The following CHIC2 variants were observed in gnomAD, a reference collection of about 807,000 sequenced individuals.
CHIC2 encodes cysteine rich hydrophobic domain 2, also known as cysteine-rich hydrophobic domain-containing protein 2.
In CHIC2, 14 loss-of-function variants were observed where a neutral mutation model predicts 25.9. That is an observed-to-expected ratio of 0.54 (90% confidence interval 0.36 to 0.85). The LOEUF (loss-of-function observed/expected upper bound fraction) is 0.85, where lower values mean the gene tolerates loss of function less well. CHIC2 is among the 40% of genes least tolerant of loss of function. The pLI is 0.01. For synonymous variants in CHIC2, 70 were observed against 72.0 expected, an observed-to-expected ratio of 0.97 and a Z score of 0.14; for missense variants, 146 against 202.0, an observed-to-expected ratio of 0.72 and a Z score of 1.68.
At chr4:54,068,063 A>G (rs1259567263), upstream of CHIC2, among the ~76,000 whole-genome samples, 1 of 152,116 alleles carries the variant, frequency 6.6e-6, no homozygotes, top group Admixed American at 6.5e-5. Context: ...AAGAAGAAAT[A>G]CTAGATAGTT....
chr4:54,081,739 G>A, the CHIC2 span, among the ~76,000 whole-genome samples: 2 of 151,900 alleles, frequency 1.3e-5, no homozygotes, highest in African/African-American at 4.8e-5. Context: ...TGTTGTTGTT[G>A]TTTTTAGAGA....
At chr4:54,071,999 A>T in the CHIC2 span, among the ~76,000 whole-genome samples, 1 of 147,502 alleles carries the variant, frequency 6.8e-6, no homozygotes, top group Non-Finnish European at 1.5e-5. Context: ...AATACCTATA[A>T]AGTATCTAAT....
rs993035697 is a variant in CHIC2, at chr4:54,064,585, G to C, written c.-285C>G. ...CACAGACGCCGCTGCCGCCGCCGCA[G>C]CAGCAGCAACTCAGGAAACCACAGC... is the stretch of plus-strand genomic sequence containing the variant. On this transcript the variant is annotated 5_prime_UTR_variant, in exon 1 of 6. Coordinates refer to ENST00000263921, the MANE Select transcript of CHIC2 (RefSeq NM_012110.4). This position sits in a 1 kb window ranked among gnomAD's most constrained non-coding sequence, Gnocchi z 4.2. The C allele has an allele frequency of 2.4e-6, 3 of 1,248,990 alleles. No individual in the cohort carries two copies. Among genetic ancestry groups the C allele is most frequent in the Non-Finnish European group, 3.0e-6 (3 of 994,674 alleles). 77.4% of individuals were successfully genotyped at this position (1,248,990 alleles called of 1,614,324 possible).
intron 3 of CHIC2, among the ~76,000 whole-genome samples, chr4:54,044,079 G>T (rs930665466): frequency 3.9e-5 from 6 of 152,100 alleles, no homozygotes. Context: ...AATGGTAAAG[G>T]GATCAATTCA....
In CHIC2 at chr4:54,035,737, C is replaced by T. The variant is rs560964304; in HGVS notation, c.330+13218G>A. Among the ~76,000 whole-genome samples the T allele has an allele frequency of 1.4e-4, 21 of 151,828 alleles. No homozygotes were observed. The South Asian group carries it at 4.4e-3, about 32-fold the overall frequency. Reference sequence around the variant, plus strand: ...TTCAGTCTGACCATTATTTTTTTCCCCCTCCTTACTTTGGATTTAATTTGC... The same window carrying T: ...TTCAGTCTGACCATTATTTTTTTCCTCCTCCTTACTTTGGATTTAATTTGC... On this transcript the variant is annotated intron_variant, in intron 3 of 5. Transcript: ENST00000263921.
intron 1 of CHIC2, among the ~76,000 whole-genome samples, chr4:54,057,558 T>A (rs532640327): frequency 1.3e-5 from 2 of 152,298 alleles, no homozygotes; most frequent in East Asian, 3.9e-4. Context: ...TCACAGGATC[T>A]CATCCATTTC....
At chr4:54,040,874 G>A (rs1017561583) in intron 3 of CHIC2, among the ~76,000 whole-genome samples, 13 of 151,408 alleles carry the variant, frequency 8.6e-5, no homozygotes, top group East Asian at 5.9e-4. Flanking sequence ...GTAAAACACC[G>A]TCTCAATCAT....
the CHIC2 span, among the ~76,000 whole-genome samples, chr4:54,091,534 G>GCTT: frequency 3.3e-5 from 5 of 152,004 alleles, no homozygotes; most frequent in African/African-American, 1.2e-4. Context: ...TCCCAAACAC[G>GCTT]CTTCACTCAC....
chr4:54,068,803 G>A (rs1372131738), upstream of CHIC2, among the ~76,000 whole-genome samples: 1 of 152,108 alleles, frequency 6.6e-6, no homozygotes, highest in Non-Finnish European at 1.5e-5. Context: ...CAGGTTGAGG[G>A]CTCAGTCCGC....
the CHIC2 span, among the ~76,000 whole-genome samples, chr4:54,086,166 C>A: frequency 6.6e-6 from 1 of 151,878 alleles, no homozygotes. Context: ...AGCATGTAAA[C>A]AAGATAGCTT....
chr4:54,088,337 C>A, the CHIC2 span, among the ~76,000 whole-genome samples: 1 of 151,696 alleles, frequency 6.6e-6, no homozygotes, highest in Non-Finnish European at 1.5e-5. Context: ...CATGTTGTAA[C>A]GTGATAGAGG....
chr4:54,088,786 C>T, the CHIC2 span, among the ~76,000 whole-genome samples: 18 of 152,218 alleles, frequency 1.2e-4, no homozygotes, highest in African/African-American at 3.9e-4. Context: ...TGGACCCGTG[C>T]GATAGTAGTT....
At position 54,056,400 on chromosome 4, in the gene CHIC2, C is replaced by T. The variant is rs73818151; in HGVS notation, c.120-7095G>A. ...CAAAATAATGATGCTAAATTATGTT[C>T]ATTTAAGCAAAATATATGGTTGAAT... On this transcript the variant is annotated intron_variant, in intron 1 of 5. Transcript: ENST00000263921. Among the ~76,000 whole-genome samples, 1,480 of 152,148 alleles carry T rather than the reference C, an allele frequency of 9.7e-3. 22 individuals are homozygous for T. Among genetic ancestry groups the T allele is most frequent in the African/African-American group, 0.034 (1,425 of 41,506 alleles).
the CHIC2 span, among the ~76,000 whole-genome samples, chr4:54,083,856 C>G: frequency 6.6e-6 from 1 of 152,150 alleles, no homozygotes; most frequent in Non-Finnish European, 1.5e-5. Context: ...GGCCTTCATA[C>G]TTCTTCACCT....
At chr4:54,047,637 C>T (rs1170020078) in intron 3 of CHIC2, among the ~76,000 whole-genome samples, 6 of 115,832 alleles carry the variant, frequency 5.2e-5, no homozygotes, top group South Asian at 5.5e-4. Flanking sequence ...CACCACACAC[C>T]GGGGACTGTT....
chr4:54,084,216 CAT>C, the CHIC2 span, among the ~76,000 whole-genome samples: 1 of 152,170 alleles, frequency 6.6e-6, no homozygotes, highest in East Asian at 1.9e-4. Context: ...TAGTACCTAA[CAT>C]ATGTAGGCAC....
chr4:54,060,520 CAAG>C (rs1278275393), intron 1 of CHIC2: 1 of 152,028 alleles, frequency 6.6e-6, no homozygotes, highest in African/African-American at 2.4e-5. Flanking sequence ...GATTCTGATA[CAAG>C]AAGGGTAGAA....
At chr4:54,029,359 G>T (rs1283374095) in intron 3 of CHIC2, among the ~76,000 whole-genome samples, 1 of 151,940 alleles carries the variant, frequency 6.6e-6, no homozygotes, top group East Asian at 1.9e-4. Context: ...AAAACCTCTG[G>T]AATAAAATCA....
the CHIC2 span, among the ~76,000 whole-genome samples, chr4:54,084,414 C>A: frequency 2.6e-5 from 4 of 151,778 alleles, no homozygotes; most frequent in African/African-American, 9.7e-5. Flanking sequence ...CATTCTTTGG[C>A]CAATTTAAAT....
Sources: gnomAD v4.1 joint callset for allele counts (sites outside exome capture counted in the v4.1 genomes callset) on GRCh38, gnomAD v4.1.1 for gene constraint, Gnocchi (gnomAD v3.1) non-coding constraint, MANE v1.5 for transcripts, NCBI Gene and HGNC (gene_info 2026-07-23, HGNC 2026-07-21) for gene names.